ANO2: variants seen among roughly 807,000 people sequenced by gnomAD.
The protein encoded by ANO2 is anoctamin-2.
In ANO2, 101 loss-of-function variants were observed where a neutral mutation model predicts 124.2. That is an observed-to-expected ratio of 0.81 (90% CI 0.69 to 0.96). ANO2 has a LOEUF of 0.96. ANO2 is among the 40% of genes least tolerant of loss of function. The pLI, the probability that ANO2 is intolerant of heterozygous loss-of-function variation, is 0.00. For synonymous variants in ANO2, 486 were observed against 482.5 expected (o/e 1.01, Z -0.09); for missense variants, 1,293 against 1,274.5 (o/e 1.01, Z -0.22).
chr12:5,593,628 G>A (rs1268905522), intron 20 of ANO2, among the ~76,000 whole-genome samples: 2 of 152,204 alleles, frequency 1.3e-5, no homozygotes, highest in African/African-American at 4.8e-5. Context: ...CTAGATTTGA[G>A]AGAAACTGAA....
chr12:5,863,591 T>C (rs1275323861), intron 3 of ANO2, among the ~76,000 whole-genome samples: 1 of 152,150 alleles, frequency 6.6e-6, no homozygotes, highest in Admixed American at 6.5e-5. Flanking sequence ...CCTGTGGAAA[T>C]GTTTGGGGGT....
intron 3 of ANO2, among the ~76,000 whole-genome samples, chr12:5,874,015 C>T (rs986133330): frequency 6.6e-6 from 1 of 152,224 alleles, no homozygotes; most frequent in Admixed American, 6.5e-5. Context: ...GGCCTCAATG[C>T]TCAGTGCTTT....
intron 10 of ANO2, among the ~76,000 whole-genome samples, chr12:5,753,856 T>G (rs907728241): frequency 6.6e-6 from 1 of 152,240 alleles, no homozygotes; most frequent in Admixed American, 6.5e-5. Context: ...TACTTCTTCC[T>G]TTCCAATTTG....
intron 23 of ANO2, among the ~76,000 whole-genome samples, chr12:5,570,866 C>T (rs1288521698): frequency 2.0e-5 from 3 of 152,106 alleles, no homozygotes; most frequent in Non-Finnish European, 2.9e-5. Context: ...TGGAATTGAC[C>T]CTTAACAAAG....
chr12:5,759,433 A>G (rs907491011), intron 10 of ANO2, among the ~76,000 whole-genome samples: 6 of 151,900 alleles, frequency 3.9e-5, no homozygotes, highest in Non-Finnish European at 2.9e-5. Flanking sequence ...GGGGTCCCCA[A>G]CCCCCAGACC....
chr12:5,887,295 A>G (rs1293998870), intron 3 of ANO2, among the ~76,000 whole-genome samples: 1 of 152,200 alleles, frequency 6.6e-6, no homozygotes, highest in African/African-American at 2.4e-5. Flanking sequence ...GAAATATAGG[A>G]AAGTGAAAGT....
chr12:5,567,628 C>A (rs980885509), intron 23 of ANO2, among the ~76,000 whole-genome samples: 1 of 152,230 alleles, frequency 6.6e-6, no homozygotes, highest in Admixed American at 6.5e-5. Context: ...GCTCACTGAC[C>A]TCAGTATGCG....
At chr12:5,796,120 A>T (rs965696447) in intron 10 of ANO2, among the ~76,000 whole-genome samples, 4 of 151,932 alleles carry the variant, frequency 2.6e-5, no homozygotes, top group Non-Finnish European at 5.9e-5. Context: ...CTTTCCAGAG[A>T]GCTCTCACAC....
intron 14 of ANO2, among the ~76,000 whole-genome samples, chr12:5,655,097 A>G (rs1333653769): frequency 3.3e-5 from 5 of 152,026 alleles, no homozygotes; most frequent in African/African-American, 1.2e-4. Context: ...CTATTCTTCT[A>G]TCCCTTTTCT....
intron 19 of ANO2, among the ~76,000 whole-genome samples, chr12:5,600,915 T>C (rs1402892602): frequency 6.6e-6 from 1 of 152,186 alleles, no homozygotes; most frequent in Non-Finnish European, 1.5e-5. Flanking sequence ...TGATTAGGCA[T>C]CCCATCCTTG....
intron 14 of ANO2, among the ~76,000 whole-genome samples, chr12:5,680,208 G>C (rs919603695): frequency 1.3e-5 from 2 of 152,102 alleles, no homozygotes; most frequent in African/African-American, 4.8e-5. Flanking sequence ...CTAGCTGATG[G>C]GATGATCTGT....
intron 10 of ANO2, among the ~76,000 whole-genome samples, chr12:5,789,513 G>C (rs1458120937): frequency 6.6e-6 from 1 of 152,224 alleles, no homozygotes; most frequent in African/African-American, 2.4e-5. Flanking sequence ...CCCTGCCGCA[G>C]GCTGAGTGAC....
chr12:5,720,125 A>G (rs1401846032), intron 14 of ANO2, among the ~76,000 whole-genome samples: 1 of 152,174 alleles, frequency 6.6e-6, no homozygotes, highest in Non-Finnish European at 1.5e-5. Flanking sequence ...CTCACCAGCT[A>G]GAGCATGGCT....
rs1488127264 is a variant in ANO2 at position 5,925,886 on chromosome 12, C to A, written c.23-3082G>T. Among the ~76,000 whole-genome samples the A allele has an allele frequency of 6.6e-6, 1 of 152,220 alleles. No homozygotes were observed. The highest frequency in any genetic ancestry group is 1.5e-5 in the Non-Finnish European group (1 of 68,044). On this transcript the variant is annotated intron_variant, in intron 1 of 24. Coordinates refer to ENST00000682330, the MANE Select transcript of ANO2 (RefSeq NM_001364791.2). This position sits in a 1 kb window ranked among gnomAD's most constrained non-coding sequence, Gnocchi z 4.6. Reference sequence around the variant, plus strand: ...TCCACGTTCCAGCTCTCTCCCTGGGCACTCTCATCCACTCCAGAGACCTTC... The same window carrying A: ...TCCACGTTCCAGCTCTCTCCCTGGGAACTCTCATCCACTCCAGAGACCTTC...
chr12:5,945,271 T>TGCC, upstream of ANO2: 1 of 1,262,794 alleles, frequency 7.9e-7, no homozygotes. Flanking sequence ...GGCAGGCTTA[T>TGCC]GCCGCCGCGG....
At chr12:5,895,486 C>T (rs1220397020) in intron 3 of ANO2, among the ~76,000 whole-genome samples, 2 of 152,074 alleles carry the variant, frequency 1.3e-5, no homozygotes, top group Non-Finnish European at 2.9e-5. Context: ...AATGAAGAGA[C>T]ATTTCTTAAG....
At chr12:5,764,075 A>C (rs1442434820) in intron 10 of ANO2, among the ~76,000 whole-genome samples, 1 of 152,040 alleles carries the variant, frequency 6.6e-6, no homozygotes, top group African/African-American at 2.4e-5. Flanking sequence ...GAAGAGGAAA[A>C]ATGATGAGAA....
chr12:5,563,441 T>A lies in ANO2; in HGVS notation c.2855A>T (p.Lys952Met), dbSNP rs759162824. The change falls in exon 25 of 25, where the codon AAG becomes ATG. Residue 952 changes from lysine to methionine, a missense_variant. Lys to Met is a moderately conservative substitution (Grantham distance 95, BLOSUM62 -1). Coordinates refer to ENST00000682330, the MANE Select transcript of ANO2 (RefSeq NM_001364791.2). ...AGCCGGCTCATCCATCAGCTTGAGC[T>A]TCTCATGCTCCTCTTTCAGGAAGAA... ...VDFFLKEEHE[K>M]LKLMDEPALR... 12 of 1,613,612 alleles carry A rather than the reference T, an allele frequency of 7.4e-6. No homozygotes were observed. The Admixed American group carries it at 2.0e-4, about 27-fold the overall frequency.
chr12:5,783,672 C>T (rs1047802460), intron 10 of ANO2, among the ~76,000 whole-genome samples: 2 of 152,192 alleles, frequency 1.3e-5, no homozygotes, highest in Non-Finnish European at 2.9e-5. Flanking sequence ...GTGAAGTCAT[C>T]ACTTCTGTTT....
Sources: gnomAD v4.1 joint callset for allele counts (sites outside exome capture counted in the v4.1 genomes callset) on GRCh38, gnomAD v4.1.1 for gene constraint, Gnocchi (gnomAD v3.1) non-coding constraint, MANE v1.5 for transcripts, NCBI Gene and HGNC (gene_info 2026-07-23, HGNC 2026-07-21) for gene names.